Variants in TBXA2R observed in about 807,000 individuals in gnomAD.
TBXA2R encodes prostanoid TP receptor.
A neutral mutation model predicts 15.6 loss-of-function variants in TBXA2R; 15 were observed. The ratio of observed to expected loss-of-function variants is 0.96; its 90% CI spans 0.64 to 1.48. The LOEUF is 1.48. Ranked by LOEUF, TBXA2R falls within the 40% of genes most tolerant of loss-of-function variation. The probability of loss-of-function intolerance (pLI) is 0.00; values close to 1 mark genes in which losing one functional copy is unlikely to be tolerated. For synonymous variants in TBXA2R, 280 were observed against 241.2 expected (o/e 1.16, Z -1.49); for missense variants, 506 against 491.4 (o/e 1.03, Z -0.28).
At chr19:3,601,678 G>C (rs2032741289) in intron 1 of TBXA2R, among the ~76,000 whole-genome samples, 1 of 152,204 alleles carries the variant, frequency 6.6e-6, no homozygotes, top group Non-Finnish European at 1.5e-5. Flanking sequence ...TGTAATCCCA[G>C]CACTTTGGGA....
intron 2 of TBXA2R, among the ~76,000 whole-genome samples, chr19:3,599,151 T>C (rs896859078): frequency 3.3e-5 from 5 of 152,016 alleles, no homozygotes; most frequent in Non-Finnish European, 7.4e-5. Flanking sequence ...GCTTTCTATT[T>C]TTTTTCTTTT....
At chr19:3,601,636 C>G (rs1199169746) in intron 1 of TBXA2R, among the ~76,000 whole-genome samples, 1 of 151,806 alleles carries the variant, frequency 6.6e-6, no homozygotes, top group Non-Finnish European at 1.5e-5. Context: ...GGTTCAAAAA[C>G]CAGCTTCTGG....
At position 3,594,800 on chromosome 19, in the gene TBXA2R, T is replaced by C. The variant is rs1390902051; in HGVS notation, c.*888A>G. On this transcript the variant is annotated 3_prime_UTR_variant, in exon 3 of 3. Coordinates refer to ENST00000375190, the MANE Select transcript of TBXA2R (RefSeq NM_001060.6). ...GAAAATAAAACCAAAGGCAGAGATA[T>C]ATTTTGGCAAGAAAAGGGGGTGCCC... 3 of 1,503,684 alleles carry C rather than the reference T, an allele frequency of 2.0e-6. No individual in the cohort carries two copies. Among genetic ancestry groups the C allele is most frequent in the Non-Finnish European group, 2.7e-6 (3 of 1,120,600 alleles). 93.1% of individuals were successfully genotyped at this position (1,503,684 alleles called of 1,614,324 possible).
chr19:3,605,069 C>A (rs1340344139), intron 1 of TBXA2R, among the ~76,000 whole-genome samples: 3 of 152,238 alleles, frequency 2.0e-5, no homozygotes, highest in Admixed American at 1.3e-4. Flanking sequence ...GGGTCCCCAG[C>A]CCACACAGTG....
chr19:3,594,806 G>C lies in TBXA2R; in HGVS notation c.*882C>G. The stretch of plus-strand genomic sequence containing the variant: ...AAAACCAAAGGCAGAGATATATTTT[G>C]GCAAGAAAAGGGGGTGCCCCCGTTC... On this transcript the variant is annotated 3_prime_UTR_variant, in exon 3 of 3. Transcript: ENST00000375190. 2 of 1,510,402 alleles carry C rather than the reference G, an allele frequency of 1.3e-6. No homozygotes were observed. The highest frequency in any genetic ancestry group is 1.8e-6 in the Non-Finnish European group (2 of 1,126,162). 93.6% of individuals were successfully genotyped at this position (1,510,402 alleles called of 1,614,324 possible). A position where few individuals can be genotyped will look rare whatever the true frequency, so the allele number is the denominator to read the frequency against.
intron 2 of TBXA2R, among the ~76,000 whole-genome samples, chr19:3,598,354 T>A (rs1156806232): frequency 7.2e-6 from 1 of 138,230 alleles, no homozygotes; most frequent in Non-Finnish European, 1.6e-5. Context: ...TCTTTTCTTT[T>A]TTTTTTTTTT....
At position 3,600,392 on chromosome 19, in the gene TBXA2R, G is replaced by A. The variant is rs5745; in HGVS notation, c.243C>T (p.Thr81=). ...CGTGCTGGGACACCACGATGGTACC[G>A]GTCACCAGCAGCCCCAGGAAGTCGG... ...VLTDFLGLLV[T]GTIVVSQHAA... is the part of the protein sequence containing the mutation. The change falls in exon 2 of 3, where the codon ACC becomes ACT. Residue 81 remains threonine (T), a synonymous_variant. Transcript: ENST00000375190. 152,112 of 1,613,254 alleles carry A rather than the reference G, an allele frequency of 0.094. 7,579 individuals carry two copies. The highest frequency in any genetic ancestry group is 0.14 in the African/African-American group (10,272 of 74,984).
chr19:3,605,848 A>G (rs987093498), intron 1 of TBXA2R, among the ~76,000 whole-genome samples: 1 of 29,454 alleles, frequency 3.4e-5, no homozygotes, highest in African/African-American at 1.1e-4. Context: ...CACAAGCAGA[A>G]ACACAACAGA....
At position 3,600,831 on chromosome 19, in the gene TBXA2R, T is replaced by G. The variant is rs541498056; in HGVS notation, c.-83-114A>C. On this transcript the variant is annotated intron_variant, in intron 1 of 2. Coordinates refer to ENST00000375190, the MANE Select transcript of TBXA2R (RefSeq NM_001060.6). ...CAGCTCAAATATCCTCTCCGGTTTT[T>G]TTTTTTTTTTTTTTTGAGACAGAGT... 116 of 603,460 alleles carry G rather than the reference T, an allele frequency of 1.9e-4. No homozygotes were observed. The East Asian group carries it at 3.3e-3, about 17-fold the overall frequency. The allele number at this position is 603,460 out of a possible 1,614,324, so 37.4% of individuals were successfully genotyped here.
At position 3,595,988 on chromosome 19, in the gene TBXA2R, G is replaced by T. The variant is rs904061083; in HGVS notation, c.787-55C>A. On this transcript the variant is annotated intron_variant, in intron 2 of 2. Transcript: ENST00000375190. ...CCCCGCCTCCAGCCCCGCCCGCCCC[G>T]GTCCCTGCCCGGGGTCCCTTGAGAT... is the stretch of plus-strand genomic sequence containing the variant. 17 of 1,551,816 alleles carry T rather than the reference G, an allele frequency of 1.1e-5. No homozygotes were observed. The South Asian group carries it at 1.7e-4, about 15-fold the overall frequency.
intron 1 of TBXA2R, among the ~76,000 whole-genome samples, chr19:3,603,443 G>C (rs1050574208): frequency 6.6e-6 from 1 of 152,178 alleles, no homozygotes; most frequent in Admixed American, 6.5e-5. Context: ...CCTCCACTCC[G>C]GGCTGCTTTG....
rs2032839526 is a variant in TBXA2R, at chr19:3,606,520, G to T, written c.-84+10C>A. ...GTGCATCCCGCCCTAAGCCAGCGGG[G>T]CGACCTCACCTTCAGAGACCTCATC... On this transcript the variant is annotated intron_variant, in intron 1 of 2. Transcript: ENST00000375190. 6.6e-6 allele frequency: 1 copy of T among 152,364 alleles called. No homozygotes were observed. The highest frequency in any genetic ancestry group is 2.4e-5 in the African/African-American group (1 of 41,464). The allele number at this position is 152,364 out of a possible 1,614,324, so 9.4% of individuals were successfully genotyped here.
intron 2 of TBXA2R, among the ~76,000 whole-genome samples, chr19:3,598,728 A>G (rs2145289475): frequency 6.8e-6 from 1 of 148,090 alleles, no homozygotes; most frequent in South Asian, 2.2e-4. Flanking sequence ...GAGTGCAGTG[A>G]CGTGATCTCG....
intron 2 of TBXA2R, among the ~76,000 whole-genome samples, chr19:3,596,707 G>A (rs1195060705): frequency 6.8e-6 from 1 of 147,838 alleles, no homozygotes; most frequent in Non-Finnish European, 1.5e-5. Flanking sequence ...TCAGCCTCCC[G>A]AGTAGCTGGG....
At chr19:3,598,356 T>C (rs1187031137) in intron 2 of TBXA2R, among the ~76,000 whole-genome samples, 3 of 140,132 alleles carry the variant, frequency 2.1e-5, no homozygotes, top group African/African-American at 8.2e-5. Flanking sequence ...TTTTCTTTTT[T>C]TTTTTTTTTT....
At chr19:3,598,659 G>GT (rs201707822) in intron 2 of TBXA2R, among the ~76,000 whole-genome samples, 2,883 of 147,466 alleles carry the variant, frequency 0.02, 86 homozygotes, top group African/African-American at 0.066. Flanking sequence ...GCCTGTTTTT[G>GT]TTTGTTTGTT....
rs41300626 is a variant in TBXA2R at position 3,606,805 on chromosome 19, G to C, written c.-359C>G. The stretch of plus-strand genomic sequence containing the variant: ...GGGGTCGCGGCCTGGAGGGGTCCGC[G>C]GGGGCTAAGCCGAGCTGGGACGGGT... On this transcript the variant is annotated 5_prime_UTR_variant, in exon 1 of 3. Coordinates refer to ENST00000375190, the MANE Select transcript of TBXA2R (RefSeq NM_001060.6). 2.6e-5 allele frequency: 4 copies of C among 152,450 alleles called. No homozygotes were observed. Among genetic ancestry groups the C allele is most frequent in the Non-Finnish European group, 5.9e-5 (4 of 68,154 alleles). 9.4% of individuals were successfully genotyped at this position (152,450 alleles called of 1,614,324 possible).
In TBXA2R at chr19:3,594,940, C is replaced by T. The variant is rs1415183479; in HGVS notation, c.*748G>A. 5.9e-6 allele frequency: 9 copies of T among 1,536,092 alleles called. No individual in the cohort carries two copies. Among genetic ancestry groups the T allele is most frequent in the African/African-American group, 5.5e-5 (4 of 73,052 alleles). ...GGGTCAAAGAGCATGCAAGGCCGGG[C>T]GCAGTGGCTTACGCCTGTAATCCCA... is the stretch of plus-strand genomic sequence containing the variant. On this transcript the variant is annotated 3_prime_UTR_variant, in exon 3 of 3. Coordinates refer to ENST00000375190, the MANE Select transcript of TBXA2R (RefSeq NM_001060.6).
chr19:3,596,860 T>C (rs368484470), intron 2 of TBXA2R, among the ~76,000 whole-genome samples: 5 of 147,686 alleles, frequency 3.4e-5, no homozygotes, highest in African/African-American at 5.0e-5. Flanking sequence ...GGATTACAGG[T>C]GTGAGCCACC....
Sources: allele counts gnomAD v4.1 joint callset (sites outside exome capture counted in the v4.1 genomes callset), GRCh38; gene constraint gnomAD v4.1.1; transcripts MANE v1.5; gene names NCBI Gene and HGNC (gene_info 2026-07-23, HGNC 2026-07-21).